The following NAA35 variants were observed in gnomAD, a reference collection of about 807,000 sequenced individuals.
NAA35 encodes MAK10 homolog, amino-acid N-acetyltransferase subunit.
Under a neutral mutation model 101.7 loss-of-function variants are expected in NAA35, and 18 were observed. The ratio of observed to expected loss-of-function variants is 0.18; its 90% CI spans 0.12 to 0.26. The LOEUF (loss-of-function observed/expected upper bound fraction) is 0.26, where lower values mean the gene tolerates loss of function less well. Ranked by LOEUF, NAA35 falls within the 10% of genes least tolerant of loss-of-function variation. The probability of loss-of-function intolerance (pLI) is 1.00; values close to 1 mark genes in which losing one functional copy is unlikely to be tolerated. For synonymous variants in NAA35, 267 were observed against 273.1 expected, an observed-to-expected ratio of 0.98 and a Z score of 0.22; for missense variants, 601 against 886.8, an observed-to-expected ratio of 0.68 and a Z score of 4.09.
At chr9:85,960,023 T>G (rs1829443801) in intron 5 of NAA35, among the ~76,000 whole-genome samples, 156 bp downstream of exon 5, 1 of 152,232 alleles carries the variant, frequency 6.6e-6, no homozygotes, top group South Asian at 2.1e-4. Flanking sequence ...GTAATAGCAT[T>G]TCATCTTGTT....
chr9:85,956,381 T>G lies in NAA35; in HGVS notation c.146T>G (p.Leu49Arg). The change falls in exon 3 of 23, where the codon CTT (leucine) becomes CGT (arginine). Residue 49 changes from leucine (L) to arginine (R), a missense_variant. Around this residue, in one of 8 missense-constraint regions of NAA35, gnomAD observed 67 missense variants for 62.4 expected, o/e 1.07. Coordinates refer to ENST00000361671, the MANE Select transcript of NAA35 (RefSeq NM_024635.4). ...ACRELKLGEL[L>R]HDKLFGLFEA... ...TTAGAATTAAAGTTGGGAGAACTAC[T>G]TCATGATAAGCTGTAAGTATTTATC... The G allele has an allele frequency of 7.1e-7, 1 of 1,408,648 alleles. No homozygotes were observed. Among genetic ancestry groups the G allele is most frequent in the Non-Finnish European group, 9.6e-7 (1 of 1,038,128 alleles). 87.3% of individuals were successfully genotyped at this position (1,408,648 alleles called of 1,614,324 possible). A position where few individuals can be genotyped will look rare whatever the true frequency, so the allele number is the denominator to read the frequency against.
Position 85,958,547 on chromosome 9 carries a change from A to C in NAA35, c.234A>C (p.Gln78His), listed in dbSNP as rs1360626358. 2 of 1,611,270 alleles carry C rather than the reference A, an allele frequency of 1.2e-6. No individual in the cohort carries two copies. The highest frequency in any genetic ancestry group is 1.1e-5 in the South Asian group (1 of 90,744). The change falls in exon 4 of 23, where the codon CAA becomes CAC. Residue 78 changes from glutamine (Q) to histidine (H), a missense_variant. Transcript: ENST00000361671. ...PKMDAGMIGN[Q>H]VNRKVLNFEQ... ...TGGATGCTGGCATGATTGGAAACCA[A>C]GTTAATCGAAAAGTTCTCAATTTTG... is the stretch of plus-strand genomic sequence containing the variant.
chr9:86,002,210 T>C (rs79294916), intron 12 of NAA35, among the ~76,000 whole-genome samples: 9,851 of 145,580 alleles, frequency 0.068, 450 homozygotes, highest in Non-Finnish European at 0.1. Context: ...TCTTGTAGGG[T>C]TTCAGCTGAG....
intron 8 of NAA35, 145 bp downstream of exon 8, chr9:85,975,302 G>T: frequency 2.7e-6 from 2 of 753,166 alleles, no homozygotes; most frequent in Non-Finnish European, 2.1e-6. Context: ...CACTGCTAGA[G>T]GAGTTTCTGA....
chr9:86,003,862 A>G (rs964273832), intron 13 of NAA35, among the ~76,000 whole-genome samples: 4 of 152,304 alleles, frequency 2.6e-5, no homozygotes, highest in Non-Finnish European at 4.4e-5. Context: ...AAAACAATCA[A>G]AATCCTACAA....
chr9:85,968,766 C>G (rs1315831362), intron 6 of NAA35, among the ~76,000 whole-genome samples: 1 of 152,192 alleles, frequency 6.6e-6, no homozygotes, highest in East Asian at 1.9e-4. Flanking sequence ...TATATTACCT[C>G]TGCCCTTGCC....
At chr9:86,017,620 A>C (rs1832292102) in intron 19 of NAA35, 55 bp downstream of exon 19, 3 of 1,361,484 alleles carry the variant, frequency 2.2e-6, no homozygotes, top group Non-Finnish European at 3.1e-6. Flanking sequence ...CCTATTATAT[A>C]GTTTATTTAA....
chr9:86,008,434 A>C (rs1435983269), intron 14 of NAA35, among the ~76,000 whole-genome samples: 1 of 152,184 alleles, frequency 6.6e-6, no homozygotes, highest in African/African-American at 2.4e-5. Flanking sequence ...CAGCCTGTTC[A>C]CATTTGGTAT....
chr9:86,004,063 A>C (rs1831525721), intron 13 of NAA35, among the ~76,000 whole-genome samples: 1 of 152,148 alleles, frequency 6.6e-6, no homozygotes, highest in African/African-American at 2.4e-5. Context: ...GTGAGATACA[A>C]ATAAAGCAGC....
chr9:85,946,259 C>T (rs1828759098), intron 2 of NAA35, among the ~76,000 whole-genome samples: 2 of 152,124 alleles, frequency 1.3e-5, no homozygotes, highest in Admixed American at 6.5e-5. Context: ...ATCCTCTCAT[C>T]TCAGCCTCCT....
chr9:86,020,107 A>C (rs1418777774), intron 21 of NAA35, among the ~76,000 whole-genome samples: 1 of 152,230 alleles, frequency 6.6e-6, no homozygotes, highest in Non-Finnish European at 1.5e-5. Flanking sequence ...GGAAGCCTAT[A>C]TGTATGTGTG....
At chr9:85,991,432 C>T (rs900215684) in intron 11 of NAA35, among the ~76,000 whole-genome samples, 9 of 151,980 alleles carry the variant, frequency 5.9e-5, no homozygotes, top group African/African-American at 1.9e-4. Flanking sequence ...GAAGGTTTCC[C>T]AGGTATGGGG....
chr9:86,016,450 T>C (rs1198526045), intron 17 of NAA35, 89 bp from the exon 18 acceptor site: 10 of 1,125,558 alleles, frequency 8.9e-6, no homozygotes, highest in Non-Finnish European at 8.9e-6. Flanking sequence ...ACCTAAAGCA[T>C]TATTTGAAAT....
intron 11 of NAA35, among the ~76,000 whole-genome samples, chr9:85,979,317 GA>G (rs956904331): frequency 1.3e-5 from 2 of 152,158 alleles, no homozygotes; most frequent in African/African-American, 4.8e-5. Flanking sequence ...TAGCAACTTA[GA>G]ACTTTTTAAA....
chr9:85,950,236 A>G (rs1034779260), intron 2 of NAA35, among the ~76,000 whole-genome samples: 3 of 152,042 alleles, frequency 2.0e-5, no homozygotes, highest in African/African-American at 7.2e-5. Flanking sequence ...ATAGTGAGAG[A>G]TATGATTTCT....
chr9:86,006,756 G>A (rs1032949303), intron 13 of NAA35, among the ~76,000 whole-genome samples: 24 of 151,990 alleles, frequency 1.6e-4, no homozygotes, highest in African/African-American at 4.8e-4. Context: ...CTATGCTTTT[G>A]TTAGACTTAT....
intron 6 of NAA35, among the ~76,000 whole-genome samples, chr9:85,967,575 G>C (rs1829811393): frequency 1.3e-5 from 2 of 152,054 alleles, no homozygotes; most frequent in South Asian, 2.1e-4. Flanking sequence ...TGAGAGGCCC[G>C]AGGTGGGCAG....
chr9:86,013,030 T>C lies in NAA35; in HGVS notation c.1291-16T>C, dbSNP rs1159151337. 22 of 1,464,570 alleles carry C rather than the reference T, an allele frequency of 1.5e-5. No individual in the cohort carries two copies. Among genetic ancestry groups the C allele is most frequent in the Non-Finnish European group, 2.0e-5 (22 of 1,083,334 alleles). The allele number at this position is 1,464,570 out of a possible 1,614,324, so 90.7% of individuals were successfully genotyped here. A position where few individuals can be genotyped will look rare whatever the true frequency, so the allele number is the denominator to read the frequency against. Reference sequence around the variant, plus strand: ...AATTTCATATTTACAGTTGACAAATTATATGTGTATTGCAGCCATTCTGTA... The same window carrying C: ...AATTTCATATTTACAGTTGACAAATCATATGTGTATTGCAGCCATTCTGTA... On this transcript the variant is annotated splice_polypyrimidine_tract_variant and intron_variant, in intron 15 of 22. Transcript: ENST00000361671.
At chr9:85,974,738 A>G (rs565838686) in intron 6 of NAA35, among the ~76,000 whole-genome samples, 1 of 152,194 alleles carries the variant, frequency 6.6e-6, no homozygotes, top group Non-Finnish European at 1.5e-5. Flanking sequence ...AAGGACAAGC[A>G]ATTGAAAGTA....
Sources: gnomAD v4.1 joint callset for allele counts (sites outside exome capture counted in the v4.1 genomes callset) on GRCh38, gnomAD v4.1.1 for gene constraint, gnomAD v4.1.1 regional missense constraint, MANE v1.5 for transcripts, NCBI Gene and HGNC (gene_info 2026-07-23, HGNC 2026-07-21) for gene names.